Variants in RBFOX1 observed in about 807,000 individuals in gnomAD.
RBFOX1 encodes the protein RNA binding fox-1 homolog 1, also known as RNA binding protein fox-1 homolog 1.
In RBFOX1, 8 loss-of-function variants were observed where a neutral mutation model predicts 57.7. The ratio of observed to expected loss-of-function variants is 0.14; its 90% CI spans 0.08 to 0.25. RBFOX1 has a LOEUF of 0.25. RBFOX1 is among the 10% of genes least tolerant of loss of function. The pLI, the probability that RBFOX1 is intolerant of heterozygous loss-of-function variation, is 1.00. For synonymous variants in RBFOX1, 326 were observed against 222.4 expected, an observed-to-expected ratio of 1.47 and a Z score of -4.15; for missense variants, 611 against 548.5, an observed-to-expected ratio of 1.11 and a Z score of -1.14.
intron 2 of RBFOX1, among the ~76,000 whole-genome samples, chr16:6,394,318 A>G (rs975900044): frequency 6.6e-6 from 1 of 152,200 alleles, no homozygotes; most frequent in East Asian, 1.9e-4. Context: ...AAGTGCTGAG[A>G]TCCACAGATG....
At chr16:5,944,998 A>AG (rs1273052660) in intron 4 of RBFOX1, among the ~76,000 whole-genome samples, 1 of 139,530 alleles carries the variant, frequency 7.2e-6, no homozygotes, top group East Asian at 2.3e-4. Context: ...AGAGAGAGAG[A>AG]GAGAGAGAAA....
chr16:6,098,168 C>G (rs1488141191), intron 1 of RBFOX1, among the ~76,000 whole-genome samples: 1 of 152,210 alleles, frequency 6.6e-6, no homozygotes, highest in Non-Finnish European at 1.5e-5. Flanking sequence ...ACTTTGCAAA[C>G]TTTACCTCAT....
chr16:6,707,478 G>GTTGT lies in RBFOX1; in HGVS notation c.-16+52830_-16+52831insGTTT, dbSNP rs1555714673. 2.4e-4 allele frequency among the ~76,000 whole-genome samples: 31 copies of GTTGT among 128,310 alleles called. 1 individual carries two copies. The highest frequency in any genetic ancestry group is 9.1e-4 in the African/African-American group (31 of 33,996). 84.2% of individuals were successfully genotyped at this position (128,310 alleles called of 152,430 possible). A position where few individuals can be genotyped will look rare whatever the true frequency, so the allele number is the denominator to read the frequency against. On this transcript the variant is annotated intron_variant, in intron 3 of 15. Coordinates refer to ENST00000550418, the MANE Select transcript of RBFOX1 (RefSeq NM_018723.4). ...AATATTTAGATGGCTTCCCATTTTT[G>GTTGT]TTTTTTTTTTTTTTTTGCTGTTGTA... is the stretch of plus-strand genomic sequence containing the variant.
At position 6,953,813 on chromosome 16, in the gene RBFOX1, A is replaced by G. The variant is rs1260901107; in HGVS notation, c.-15-98244A>G. ...GATTTCAAACTGGTTTGCAACTGAT[A>G]GAACCGAGAAAAATAACTCTTGGAT... On this transcript the variant is annotated intron_variant, in intron 3 of 15. Transcript: ENST00000550418. Among the ~76,000 whole-genome samples, 11 of 152,348 alleles carry G rather than the reference A, an allele frequency of 7.2e-5. No homozygotes were observed. In the East Asian group the frequency reaches 1.9e-3, roughly 27 times the overall value.
intron 3 of RBFOX1, among the ~76,000 whole-genome samples, chr16:7,001,392 G>GTATT (rs1331089096): frequency 1.2e-5 from 1 of 84,076 alleles, no homozygotes; most frequent in Non-Finnish European, 2.1e-5. Context: ...GTATGTGTAT[G>GTATT]TGTATTTGTA....
chr16:7,660,494 G>A (rs1482706209), intron 12 of RBFOX1, among the ~76,000 whole-genome samples: 2 of 152,224 alleles, frequency 1.3e-5, no homozygotes, highest in Non-Finnish European at 1.5e-5. Context: ...GCTGTTTGAT[G>A]AGGCTTTACA....
At chr16:5,463,208 G>A (rs569686265) in intron 1 of RBFOX1, among the ~76,000 whole-genome samples, 1 of 152,242 alleles carries the variant, frequency 6.6e-6, no homozygotes, top group Non-Finnish European at 1.5e-5. Flanking sequence ...AATTCAAAGA[G>A]GATTGGTTGG....
intron 3 of RBFOX1, among the ~76,000 whole-genome samples, chr16:6,863,151 C>G (rs192654312): frequency 3.3e-5 from 5 of 151,996 alleles, no homozygotes; most frequent in East Asian, 3.9e-4. Context: ...AGCAGGGGAT[C>G]AAAAGTCTAG....
Position 5,345,057 on chromosome 16 carries a change from C to A in RBFOX1, c.219+104952C>A, listed in dbSNP as rs1323836192. Among the ~76,000 whole-genome samples the A allele has an allele frequency of 2.0e-5, 3 of 152,222 alleles. No individual in the cohort carries two copies. The South Asian group carries it at 6.2e-4, about 32-fold the overall frequency. Reference sequence around the variant, plus strand: ...TAGTTCTTCTGTTCCCGTCCTCCCCCTTTTGTCAAGGATCCTCAGAGTCAT... The same window carrying A: ...TAGTTCTTCTGTTCCCGTCCTCCCCATTTTGTCAAGGATCCTCAGAGTCAT... On this transcript the variant is annotated intron_variant, in intron 1 of 2. Transcript: ENST00000585867.
At chr16:6,884,634 C>T (rs192650131) in intron 3 of RBFOX1, among the ~76,000 whole-genome samples, 1 of 152,126 alleles carries the variant, frequency 6.6e-6, no homozygotes, top group African/African-American at 2.4e-5. Context: ...TGTGGTGGCT[C>T]ACACCTGTAA....
At chr16:6,111,627 G>C (rs1395858573) in intron 1 of RBFOX1, among the ~76,000 whole-genome samples, 1 of 152,222 alleles carries the variant, frequency 6.6e-6, no homozygotes, top group African/African-American at 2.4e-5. Flanking sequence ...TATTTCTAAT[G>C]TGAGTCATTG....
chr16:6,678,611 A>G (rs917868261), intron 3 of RBFOX1, among the ~76,000 whole-genome samples: 1 of 151,194 alleles, frequency 6.6e-6, no homozygotes, highest in Non-Finnish European at 1.5e-5. Context: ...CGGATTGCAT[A>G]CTAGATTTTT....
chr16:7,289,990 T>C (rs2095734851), intron 4 of RBFOX1, among the ~76,000 whole-genome samples: 1 of 152,194 alleles, frequency 6.6e-6, no homozygotes, highest in Non-Finnish European at 1.5e-5. Flanking sequence ...GAATAAGCTC[T>C]TTTAATTCTT....
At chr16:6,523,314 C>T (rs1412942128) in intron 2 of RBFOX1, among the ~76,000 whole-genome samples, 17 of 152,190 alleles carry the variant, frequency 1.1e-4, no homozygotes, top group Non-Finnish European at 8.8e-5. Flanking sequence ...GTTGATAAAG[C>T]TACTAGCCAT....
chr16:6,050,802 A>G (rs2095544418), intron 1 of RBFOX1, among the ~76,000 whole-genome samples: 1 of 151,902 alleles, frequency 6.6e-6, no homozygotes, highest in Non-Finnish European at 1.5e-5. Flanking sequence ...GATTTCAAAT[A>G]TATGAGCTTG....
At chr16:7,535,297 G>A (rs2081216048) in intron 5 of RBFOX1, among the ~76,000 whole-genome samples, 1 of 152,162 alleles carries the variant, frequency 6.6e-6, no homozygotes, top group Non-Finnish European at 1.5e-5. Flanking sequence ...TTCTGTAGCT[G>A]GGAGCCTGGA....
chr16:5,367,141 A>T (rs1053216932), intron 1 of RBFOX1, among the ~76,000 whole-genome samples: 10 of 152,218 alleles, frequency 6.6e-5, no homozygotes, highest in Admixed American at 5.2e-4. Context: ...TTTTAGACAA[A>T]TGATTTTGTG....
intron 2 of RBFOX1, among the ~76,000 whole-genome samples, chr16:5,481,967 C>T (rs961777838): frequency 7.2e-5 from 11 of 152,288 alleles, no homozygotes; most frequent in African/African-American, 2.6e-4. Context: ...AATACGGTCA[C>T]ATTCTGAAGT....
At chr16:7,610,977 G>C (rs1235444025) in intron 10 of RBFOX1, among the ~76,000 whole-genome samples, 1 of 151,194 alleles carries the variant, frequency 6.6e-6, no homozygotes, top group Non-Finnish European at 1.5e-5. Flanking sequence ...AAGACCCCTT[G>C]TCATTGATTT....
Sources: gnomAD v4.1 joint callset for allele counts (sites outside exome capture counted in the v4.1 genomes callset) on GRCh38, gnomAD v4.1.1 for gene constraint, MANE v1.5 for transcripts, NCBI Gene and HGNC (gene_info 2026-07-23, HGNC 2026-07-21) for gene names.